AGAP1: variants seen among roughly 807,000 people sequenced by gnomAD.
AGAP1 encodes ArfGAP with GTPase domain, ankyrin repeat and PH domain 1.
In AGAP1, 29 loss-of-function variants were observed where a neutral mutation model predicts 105.3. The observed-to-expected ratio is 0.28, with a 90% CI of 0.21 to 0.38. AGAP1 has a LOEUF of 0.38. AGAP1 is among the 10% of genes least tolerant of loss of function. AGAP1 has a pLI of 1.00. For synonymous variants in AGAP1, 509 were observed against 485.9 expected (o/e 1.05, Z -0.63); for missense variants, 998 against 1,165.1 (o/e 0.86, Z 2.09).
At chr2:235,803,395 C>T (rs1957680935) in intron 8 of AGAP1, among the ~76,000 whole-genome samples, 1 of 152,196 alleles carries the variant, frequency 6.6e-6, no homozygotes, top group East Asian at 1.9e-4. Context: ...ATTGAATAGA[C>T]TCTTCATCCC....
intron 6 of AGAP1, among the ~76,000 whole-genome samples, chr2:235,755,744 G>A (rs185565310): frequency 9.6e-4 from 146 of 152,246 alleles, no homozygotes; most frequent in Admixed American, 2.9e-3. Context: ...CCCAGCTTGC[G>A]ATTCTTCTTT....
chr2:236,007,037 G>GTTAA (rs1406760287), intron 13 of AGAP1, among the ~76,000 whole-genome samples: 2 of 152,066 alleles, frequency 1.3e-5, no homozygotes, highest in Non-Finnish European at 2.9e-5. Context: ...AAGTTGTGAA[G>GTTAA]TTAAGGTCAA....
At chr2:235,670,265 C>A in intron 1 of AGAP1, 1 of 448,364 alleles carries the variant, frequency 2.2e-6, no homozygotes, top group Non-Finnish European at 3.9e-6. Context: ...CCCGGTTCGG[C>A]GGCCCCGGCC....
intron 6 of AGAP1, among the ~76,000 whole-genome samples, chr2:235,764,056 G>A (rs895112173): frequency 6.0e-5 from 9 of 151,116 alleles, no homozygotes; most frequent in Admixed American, 2.0e-4. Flanking sequence ...TCCGGCCCGT[G>A]TGTGGCGGTT....
chr2:235,626,883 G>T (rs1054855049), intron 1 of AGAP1, among the ~76,000 whole-genome samples: 9 of 152,186 alleles, frequency 5.9e-5, no homozygotes, highest in African/African-American at 2.2e-4. Context: ...CACATGGTGG[G>T]CTGGATTTGG....
chr2:235,529,850 G>A (rs1430113326), intron 1 of AGAP1, among the ~76,000 whole-genome samples: 1 of 152,314 alleles, frequency 6.6e-6, no homozygotes. Flanking sequence ...AGCTGGGGTT[G>A]TACGAGAATT....
chr2:235,727,721 G>C (rs535902719), intron 3 of AGAP1, among the ~76,000 whole-genome samples: 1 of 152,106 alleles, frequency 6.6e-6, no homozygotes, highest in Non-Finnish European at 1.5e-5. Flanking sequence ...CTGTTTTATC[G>C]GTGTCAGGAA....
intron 9 of AGAP1, among the ~76,000 whole-genome samples, chr2:235,847,437 A>G (rs1961631327): frequency 6.6e-6 from 1 of 152,230 alleles, no homozygotes; most frequent in Non-Finnish European, 1.5e-5. Context: ...TCAATATTAA[A>G]TTCATAAGTA....
chr2:236,117,979 G>A (rs879426778), intron 16 of AGAP1, among the ~76,000 whole-genome samples: 4 of 152,136 alleles, frequency 2.6e-5, no homozygotes, highest in Non-Finnish European at 5.9e-5. Flanking sequence ...ATCTCCAAAT[G>A]AAAAGAGTCG....
At chr2:235,952,739 A>G (rs1474767535) in intron 12 of AGAP1, among the ~76,000 whole-genome samples, 3 of 149,260 alleles carry the variant, frequency 2.0e-5, no homozygotes, top group Admixed American at 2.0e-4. Context: ...CCGCACACAC[A>G]GACTTCGAGT....
rs1952015018 is a variant in AGAP1 at position 235,732,598 on chromosome 2, A to G, written c.311-8365A>G. Among the ~76,000 whole-genome samples the G allele has an allele frequency of 6.6e-6, 1 of 151,936 alleles. No homozygotes were observed. Among genetic ancestry groups the G allele is most frequent in the Non-Finnish European group, 1.5e-5 (1 of 67,974 alleles). ...GTTCCCTTCCCTCCTTCCTCTCCCCAAGCCTCTCCCGCCTTCCCATTTTCC... is the reference window on the plus strand; with the variant it reads ...GTTCCCTTCCCTCCTTCCTCTCCCCGAGCCTCTCCCGCCTTCCCATTTTCC... On this transcript the variant is annotated intron_variant, in intron 3 of 17. Transcript: ENST00000304032. This position sits in a 1 kb window ranked among gnomAD's most constrained non-coding sequence, Gnocchi z 4.8.
At chr2:235,980,848 A>G (rs751802507) in intron 13 of AGAP1, among the ~76,000 whole-genome samples, 9 of 152,186 alleles carry the variant, frequency 5.9e-5, no homozygotes, top group Non-Finnish European at 1.2e-4. Flanking sequence ...TTGAGCTTGA[A>G]GTCTGGGGAC....
chr2:235,750,831 T>G lies in AGAP1; in HGVS notation c.673+343T>G, dbSNP rs181956286. Among the ~76,000 whole-genome samples, 242 of 152,278 alleles carry G rather than the reference T, an allele frequency of 1.6e-3. No homozygotes were observed. Among genetic ancestry groups the G allele is most frequent in the African/African-American group, 5.2e-3 (218 of 41,540 alleles). Reference sequence around the variant, plus strand: ...GTTTGTGAGCATTTCTTTATTGTAATTGCCCATTCTTAATCCAGTCCCGTC... The same window carrying G: ...GTTTGTGAGCATTTCTTTATTGTAAGTGCCCATTCTTAATCCAGTCCCGTC... On this transcript the variant is annotated intron_variant, in intron 6 of 17. Coordinates refer to ENST00000304032, the MANE Select transcript of AGAP1 (RefSeq NM_001037131.3). This position sits in a 1 kb window ranked among gnomAD's most constrained non-coding sequence, Gnocchi z 5.3.
intron 12 of AGAP1, among the ~76,000 whole-genome samples, chr2:235,939,270 G>A (rs1559672242): frequency 1.3e-5 from 2 of 151,798 alleles, no homozygotes; most frequent in Non-Finnish European, 1.5e-5. Flanking sequence ...ACTGGGGAAC[G>A]TCCCCACTTC....
At chr2:236,103,322 C>T (rs1397508745) in intron 16 of AGAP1, among the ~76,000 whole-genome samples, 1 of 152,160 alleles carries the variant, frequency 6.6e-6, no homozygotes, top group African/African-American at 2.4e-5. Flanking sequence ...CCATTGGTCA[C>T]AAGCCCTGAG....
At chr2:235,500,743 G>C (rs1011927309) in intron 1 of AGAP1, among the ~76,000 whole-genome samples, 1 of 152,104 alleles carries the variant, frequency 6.6e-6, no homozygotes, top group African/African-American at 2.4e-5. Context: ...CTGGGTGAGG[G>C]GCCTGTCGTG....
chr2:235,513,038 GT>G (rs1942216893), intron 1 of AGAP1, among the ~76,000 whole-genome samples: 1 of 152,202 alleles, frequency 6.6e-6, no homozygotes. Context: ...TTTCATGGCA[GT>G]TCTGGTCATT....
chr2:235,735,574 G>A (rs1022896813), intron 3 of AGAP1, among the ~76,000 whole-genome samples: 7 of 152,094 alleles, frequency 4.6e-5, no homozygotes, highest in East Asian at 1.9e-4. Context: ...TTAGAAAAAG[G>A]TATTTAAAAA....
intron 1 of AGAP1, among the ~76,000 whole-genome samples, chr2:235,675,899 A>T (rs1005970336): frequency 6.6e-6 from 1 of 152,164 alleles, no homozygotes; most frequent in African/African-American, 2.4e-5. Flanking sequence ...CACCAGGGGG[A>T]ATGTTCAAAA....
Sources: allele counts gnomAD v4.1 joint callset (sites outside exome capture counted in the v4.1 genomes callset), GRCh38; gene constraint gnomAD v4.1.1; non-coding constraint Gnocchi (gnomAD v3.1); transcripts MANE v1.5; gene names NCBI Gene and HGNC (gene_info 2026-07-23, HGNC 2026-07-21).